ACOXL: variants seen among roughly 807,000 people sequenced by gnomAD.
ACOXL encodes the protein acyl-CoA oxidase like, also known as acyl-coenzyme A oxidase-like protein.
A neutral mutation model predicts 71.9 loss-of-function variants in ACOXL; 70 were observed. That is an observed-to-expected ratio of 0.97 (90% CI 0.80 to 1.19). ACOXL has a LOEUF of 1.19. ACOXL is among the 50% of genes most tolerant of loss of function. The pLI, the probability that ACOXL is intolerant of heterozygous loss-of-function variation, is 0.00. For synonymous variants in ACOXL, 253 were observed against 281.6 expected, an observed-to-expected ratio of 0.90 and a Z score of 1.02; for missense variants, 703 against 736.3, an observed-to-expected ratio of 0.95 and a Z score of 0.52.
intron 16 of ACOXL, among the ~76,000 whole-genome samples, chr2:111,054,994 A>G (rs1486734939): frequency 6.6e-6 from 1 of 152,316 alleles, no homozygotes; most frequent in East Asian, 1.9e-4. Flanking sequence ...GTTTAGAAGC[A>G]CCTCAGCAAG....
At chr2:111,091,225 C>T (rs2068507661) in intron 16 of ACOXL, among the ~76,000 whole-genome samples, 1 of 152,180 alleles carries the variant, frequency 6.6e-6, no homozygotes, top group African/African-American at 2.4e-5. Flanking sequence ...CAGTTACCAG[C>T]TCCAGGGTAC....
In ACOXL at chr2:110,933,643, G is replaced by T; in HGVS notation, c.1059+1G>T. The T allele has an allele frequency of 6.2e-7, 1 of 1,609,658 alleles. No homozygotes were observed. Among genetic ancestry groups the T allele is most frequent in the Non-Finnish European group, 8.5e-7 (1 of 1,178,340 alleles). On this transcript the variant is annotated splice_donor_variant, in intron 12 of 17. Coordinates refer to ENST00000439055, the MANE Select transcript of ACOXL (RefSeq NM_001142807.4). LOFTEE classifies it high-confidence loss of function. ...CTGCCGCGAGTGCACTGGAGGCATG[G>T]TGAGCCCCAAGGCCTGCAGCCCCCG...
In ACOXL at chr2:111,067,259, A is replaced by G. The variant is rs1489867522; in HGVS notation, c.1440+17971A>G. 2.0e-5 allele frequency among the ~76,000 whole-genome samples: 3 copies of G among 152,220 alleles called. No homozygotes were observed. The South Asian group carries it at 6.2e-4, about 32-fold the overall frequency. ...TCTTTTAAAACTCATATTTGATCAA[A>G]GCAAAAATTAAAATATAAAATTCTA... On this transcript the variant is annotated intron_variant, in intron 16 of 17. Transcript: ENST00000439055.
intron 14 of ACOXL, among the ~76,000 whole-genome samples, chr2:111,014,628 GACAATC>G (rs1382523282): frequency 2.0e-5 from 3 of 152,162 alleles, no homozygotes; most frequent in Non-Finnish European, 4.4e-5. Flanking sequence ...AAGCTGATTT[GACAATC>G]ACATGGAAAT....
chr2:111,049,359 T>C (rs1288158260), intron 16 of ACOXL, 71 bp downstream of exon 16: 1 of 1,217,374 alleles, frequency 8.2e-7, no homozygotes. Flanking sequence ...GAGAGTTTCA[T>C]TTTTACAAGC....
chr2:111,068,192 A>C (rs2067164071), intron 16 of ACOXL, among the ~76,000 whole-genome samples: 1 of 152,216 alleles, frequency 6.6e-6, no homozygotes, highest in Non-Finnish European at 1.5e-5. Flanking sequence ...ATGAGTTGGA[A>C]GCAGGAGAAA....
intron 12 of ACOXL, among the ~76,000 whole-genome samples, chr2:110,975,239 T>A (rs1039668774): frequency 6.6e-6 from 1 of 152,238 alleles, no homozygotes; most frequent in Admixed American, 6.5e-5. Context: ...CAAATATTTT[T>A]GTTTCATTTT....
At chr2:110,749,040 T>G (rs913514491) in intron 1 of ACOXL, among the ~76,000 whole-genome samples, 1 of 152,224 alleles carries the variant, frequency 6.6e-6, no homozygotes, top group Non-Finnish European at 1.5e-5. Context: ...GTGTTGATGC[T>G]TAATTCCAGA....
In ACOXL at chr2:110,885,910, G is replaced by A. The variant is rs115633716; in HGVS notation, c.789-22879G>A. 8.2e-3 allele frequency among the ~76,000 whole-genome samples: 1,247 copies of A among 152,274 alleles called. 22 individuals carry two copies. Among genetic ancestry groups the A allele is most frequent in the African/African-American group, 0.029 (1,207 of 41,530 alleles). On this transcript the variant is annotated intron_variant, in intron 10 of 17. Coordinates refer to ENST00000439055, the MANE Select transcript of ACOXL (RefSeq NM_001142807.4). Reference sequence around the variant, plus strand: ...TATCTGAGTGTCTATACAGAAATATGTATGTTATTATTGCCTATTTTATTG... The same window carrying A: ...TATCTGAGTGTCTATACAGAAATATATATGTTATTATTGCCTATTTTATTG...
At chr2:110,962,607 C>T (rs539432344) in intron 12 of ACOXL, among the ~76,000 whole-genome samples, 1 of 152,220 alleles carries the variant, frequency 6.6e-6, no homozygotes, top group Admixed American at 6.5e-5. Flanking sequence ...GCAGCAGGCA[C>T]CTGGAAATCC....
At chr2:110,790,776 G>A (rs1684553079) in intron 3 of ACOXL, among the ~76,000 whole-genome samples, 2 of 151,970 alleles carry the variant, frequency 1.3e-5, no homozygotes, top group South Asian at 4.2e-4. Flanking sequence ...CCTCCCATTA[G>A]CCTCAGGATT....
At chr2:111,101,990 C>T (rs1236533083) in intron 17 of ACOXL, 2 of 152,652 alleles carry the variant, frequency 1.3e-5, no homozygotes, top group African/African-American at 4.8e-5. Flanking sequence ...CTGTAGGACT[C>T]CTGGTTCACC....
At chr2:110,941,221 C>G (rs144347850) in intron 12 of ACOXL, among the ~76,000 whole-genome samples, 1 of 152,230 alleles carries the variant, frequency 6.6e-6, no homozygotes, top group East Asian at 1.9e-4. Context: ...CCCGGGAAGC[C>G]AGGTAATTTG....
In ACOXL at chr2:111,024,850, T is replaced by TA. The variant is rs1219397923; in HGVS notation, c.1282-6768dup. Among the ~76,000 whole-genome samples, 8 of 149,454 alleles carry TA rather than the reference T, an allele frequency of 5.4e-5. No homozygotes were observed. The East Asian group carries it at 5.8e-4, about 11-fold the overall frequency. ...CTAGGGAGTATGGGGAGGTGAGATTTAAAAAAAAAGAAATCCATTTTTATA... is the reference window on the plus strand; with the variant it reads ...CTAGGGAGTATGGGGAGGTGAGATTTAAAAAAAAAAGAAATCCATTTTTATA... On this transcript the variant is annotated intron_variant, in intron 14 of 17. Coordinates refer to ENST00000439055, the MANE Select transcript of ACOXL (RefSeq NM_001142807.4).
chr2:111,069,456 T>A (rs1343317845), intron 16 of ACOXL, among the ~76,000 whole-genome samples: 1 of 152,174 alleles, frequency 6.6e-6, no homozygotes, highest in Non-Finnish European at 1.5e-5. Flanking sequence ...CTGGCCTCCC[T>A]CTTCTTATAA....
At chr2:111,093,039 C>T (rs1031329043) in intron 17 of ACOXL, 73 bp downstream of exon 17, 5 of 1,229,188 alleles carry the variant, frequency 4.1e-6, no homozygotes, top group Non-Finnish European at 5.9e-6. Flanking sequence ...GAAAACAGTC[C>T]TGCCAATCTT....
At chr2:110,955,458 C>G (rs1022543424) in intron 12 of ACOXL, among the ~76,000 whole-genome samples, 1 of 151,448 alleles carries the variant, frequency 6.6e-6, no homozygotes, top group African/African-American at 2.4e-5. Flanking sequence ...CTCTCTCTGT[C>G]TCTCGCCACC....
chr2:110,771,674 GCACA>G (rs540399670), intron 2 of ACOXL, among the ~76,000 whole-genome samples: 2 of 152,026 alleles, frequency 1.3e-5, no homozygotes, highest in South Asian at 2.1e-4. Context: ...GAGTGTGCAC[GCACA>G]CACACACAGA....
chr2:110,919,478 G>A (rs554567380), intron 11 of ACOXL, among the ~76,000 whole-genome samples: 71 of 152,082 alleles, frequency 4.7e-4, no homozygotes, highest in African/African-American at 1.7e-3. Context: ...GATGGGTGCA[G>A]CAAAACACAA....
Sources: gnomAD v4.1 joint callset for allele counts (sites outside exome capture counted in the v4.1 genomes callset) on GRCh38, gnomAD v4.1.1 for gene constraint, MANE v1.5 for transcripts, NCBI Gene and HGNC (gene_info 2026-07-23, HGNC 2026-07-21) for gene names.